MNAT1: variants seen among roughly 807,000 people sequenced by gnomAD.
MNAT1 encodes the protein CDK-activating kinase assembly factor MAT1.
In MNAT1, 43 loss-of-function variants were observed where a neutral mutation model predicts 42.0. The ratio of observed to expected loss-of-function variants is 1.02; its 90% CI spans 0.80 to 1.32. MNAT1 has a LOEUF of 1.32. Among genes scored for constraint, MNAT1 ranks in the 40% most tolerant of loss-of-function variants. MNAT1 has a pLI of 0.00. For synonymous variants in MNAT1, 118 were observed against 120.0 expected, an observed-to-expected ratio of 0.98 and a Z score of 0.11; for missense variants, 306 against 350.4, an observed-to-expected ratio of 0.87 and a Z score of 1.01.
intron 7 of MNAT1, among the ~76,000 whole-genome samples, chr14:60,912,770 A>T (rs2139531169): frequency 6.6e-6 from 1 of 152,050 alleles, no homozygotes; most frequent in South Asian, 2.1e-4. Flanking sequence ...TTTTTCCTTC[A>T]TTTCAACTTT....
At position 60,862,315 on chromosome 14, in the gene MNAT1, G is replaced by A. The variant is rs74821906; in HGVS notation, c.688-17399G>A. On this transcript the variant is annotated intron_variant, in intron 6 of 7. Coordinates refer to ENST00000261245, the MANE Select transcript of MNAT1 (RefSeq NM_002431.4). The stretch of plus-strand genomic sequence containing the variant: ...CTTTTTCCTAATGTAAAATAAATCT[G>A]AATATGCCATACGATTGGTGACAAA... 1.9e-3 allele frequency among the ~76,000 whole-genome samples: 288 copies of A among 152,238 alleles called. 1 individual carries two copies. Among genetic ancestry groups the A allele is most frequent in the African/African-American group, 6.6e-3 (274 of 41,528 alleles).
chr14:60,968,251 G>A lies in MNAT1; in HGVS notation c.832G>A (p.Ala278Thr). The A allele has an allele frequency of 1.2e-6, 2 of 1,613,550 alleles. No individual in the cohort carries two copies. The highest frequency in any genetic ancestry group is 4.5e-5 in the East Asian group (2 of 44,866). Residue 278 changes from alanine to threonine, a missense_variant, in exon 8 of 8, where the codon GCC becomes ACC. Coordinates refer to ENST00000261245, the MANE Select transcript of MNAT1 (RefSeq NM_002431.4). Reference protein sequence around the residue: ...RLGYLNHVRAASPQDLAGGYT... With the variant: ...RLGYLNHVRATSPQDLAGGYT... ...TAGGTATTTAAACCATGTCAGAGCTGCCTCACCACAGGACCTTGCTGGAGG... is the reference window on the plus strand; with the variant it reads ...TAGGTATTTAAACCATGTCAGAGCTACCTCACCACAGGACCTTGCTGGAGG...
At chr14:60,919,825 C>A in intron 7 of MNAT1, 1 of 157,652 alleles carries the variant, frequency 6.3e-6, no homozygotes. Flanking sequence ...GGTACTACCT[C>A]ACCTTGCACA....
At chr14:60,764,700 T>A (rs1432062506) in intron 1 of MNAT1, among the ~76,000 whole-genome samples, 3 of 152,198 alleles carry the variant, frequency 2.0e-5, no homozygotes, top group Non-Finnish European at 2.9e-5. Context: ...TTTTCAAGAT[T>A]CAGTGAAATC....
At chr14:60,784,748 C>A (rs1423168032) in intron 1 of MNAT1, among the ~76,000 whole-genome samples, 2 of 152,178 alleles carry the variant, frequency 1.3e-5, no homozygotes, top group African/African-American at 2.4e-5. Flanking sequence ...CAGGCATGAG[C>A]CACCGTGCCA....
At chr14:60,862,759 A>G (rs1156538087) in intron 6 of MNAT1, among the ~76,000 whole-genome samples, 1 of 152,222 alleles carries the variant, frequency 6.6e-6, no homozygotes, top group Admixed American at 6.5e-5. Flanking sequence ...ATGTTTTCAT[A>G]CAGATTAAAA....
At chr14:60,879,203 C>A (rs1272321687) in intron 6 of MNAT1, among the ~76,000 whole-genome samples, 2 of 152,098 alleles carry the variant, frequency 1.3e-5, no homozygotes, top group Non-Finnish European at 2.9e-5. Context: ...ATTCTTCCAT[C>A]CAGTCTTCAC....
At chr14:60,847,912 C>G (rs188216240) in intron 6 of MNAT1, among the ~76,000 whole-genome samples, 1 of 151,994 alleles carries the variant, frequency 6.6e-6, no homozygotes, top group Non-Finnish European at 1.5e-5. Context: ...TAAGATTAAC[C>G]ATACAGTTTT....
chr14:60,940,542 C>A (rs7142069), intron 7 of MNAT1, among the ~76,000 whole-genome samples: 3 of 151,912 alleles, frequency 2.0e-5, no homozygotes, highest in Admixed American at 1.3e-4. Context: ...CTCAGCCTCC[C>A]GAGTAGCTGG....
At chr14:60,746,913 TATATATATATACAC>T (rs1287852846) in intron 1 of MNAT1, among the ~76,000 whole-genome samples, 1 of 26,298 alleles carries the variant, frequency 3.8e-5, no homozygotes. Context: ...TATATATATA[TATATATATATACAC>T]ACACACACAC....
intron 5 of MNAT1, among the ~76,000 whole-genome samples, chr14:60,816,705 C>T (rs2032726941): frequency 6.6e-6 from 1 of 152,018 alleles, no homozygotes; most frequent in South Asian, 2.1e-4. Flanking sequence ...CCAGAGCATG[C>T]ATGTTTCACA....
intron 1 of MNAT1, among the ~76,000 whole-genome samples, chr14:60,737,281 T>C (rs1335443414): frequency 6.6e-6 from 1 of 152,156 alleles, no homozygotes; most frequent in Non-Finnish European, 1.5e-5. Context: ...ACTTTTAGGT[T>C]GTTTGTGTAT....
intron 1 of MNAT1, among the ~76,000 whole-genome samples, chr14:60,792,919 A>G (rs534933665): frequency 6.5e-4 from 99 of 152,260 alleles, no homozygotes; most frequent in African/African-American, 2.2e-3. Flanking sequence ...AAAAATTCCT[A>G]GCACTCCTAG....
chr14:60,799,582 G>A (rs528484363), intron 3 of MNAT1, among the ~76,000 whole-genome samples: 3 of 152,128 alleles, frequency 2.0e-5, no homozygotes, highest in Admixed American at 6.6e-5. Flanking sequence ...TTACAAGCAG[G>A]CAGTCAGGAT....
intron 1 of MNAT1, among the ~76,000 whole-genome samples, chr14:60,791,754 AT>A (rs1324723760): frequency 6.6e-6 from 1 of 152,130 alleles, no homozygotes; most frequent in Non-Finnish European, 1.5e-5. Flanking sequence ...AAAGTTATTC[AT>A]TTTGAGGTCA....
intron 7 of MNAT1, among the ~76,000 whole-genome samples, chr14:60,956,993 T>C (rs1288326581): frequency 6.6e-6 from 1 of 152,212 alleles, no homozygotes; most frequent in Non-Finnish European, 1.5e-5. Flanking sequence ...TTTAAAGTAA[T>C]GATTGATAGG....
intron 6 of MNAT1, among the ~76,000 whole-genome samples, chr14:60,861,781 CAA>C (rs1358347019): frequency 6.6e-6 from 1 of 152,118 alleles, no homozygotes; most frequent in Non-Finnish European, 1.5e-5. Flanking sequence ...TTCAACAAGG[CAA>C]GTCTTGATGC....
At chr14:60,903,744 A>G (rs1022584246) in intron 7 of MNAT1, among the ~76,000 whole-genome samples, 7 of 152,010 alleles carry the variant, frequency 4.6e-5, no homozygotes, top group African/African-American at 1.7e-4. Flanking sequence ...CTTTTTGGTC[A>G]TAGTCTTTAC....
intron 7 of MNAT1, among the ~76,000 whole-genome samples, chr14:60,901,228 G>A (rs2035066727): frequency 6.6e-6 from 1 of 152,108 alleles, no homozygotes; most frequent in African/African-American, 2.4e-5. Context: ...CAGGATGACA[G>A]TGTGTCTGTT....
Sources: gnomAD v4.1 joint callset for allele counts (sites outside exome capture counted in the v4.1 genomes callset) on GRCh38, gnomAD v4.1.1 for gene constraint, MANE v1.5 for transcripts, NCBI Gene and HGNC (gene_info 2026-07-23, HGNC 2026-07-21) for gene names.